Variants in PADI3 observed in about 807,000 individuals in gnomAD.
The protein encoded by PADI3 is peptidyl arginine deiminase 3, also known as protein-arginine deiminase type-3.
Under a neutral mutation model 71.5 loss-of-function variants are expected in PADI3, and 53 were observed. The ratio of observed to expected loss-of-function variants is 0.74; its 90% CI spans 0.59 to 0.93. The LOEUF (loss-of-function observed/expected upper bound fraction) is 0.93. PADI3 is among the 40% of genes least tolerant of loss of function. The pLI, the probability that PADI3 is intolerant of heterozygous loss-of-function variation, is 0.00. For missense variants in PADI3, 821 were observed against 868.0 expected (o/e 0.95, Z 0.68); for synonymous variants, 361 against 347.5 (o/e 1.04, Z -0.43).
At chr1:17,254,105 C>T (rs972965678) in intron 1 of PADI3, among the ~76,000 whole-genome samples, 3 of 152,312 alleles carry the variant, frequency 2.0e-5, no homozygotes, top group Admixed American at 2.0e-4. Flanking sequence ...TACGGGGCTG[C>T]CACTTTCCAG....
rs2072953623 is a variant in PADI3, at chr1:17,250,538, G to A, written c.92+1309G>A. Among the ~76,000 whole-genome samples the A allele has an allele frequency of 2.6e-5, 4 of 152,198 alleles. No individual in the cohort carries two copies. In the South Asian group the frequency reaches 6.2e-4, roughly 24 times the overall value. On this transcript the variant is annotated intron_variant, in intron 1 of 15. Transcript: ENST00000375460. Reference sequence around the variant, plus strand: ...TCCAGGGCATTGGATGAGAGGGGGTGAGGAGCTGGTCATGGGAGGGAACCA... The same window carrying A: ...TCCAGGGCATTGGATGAGAGGGGGTAAGGAGCTGGTCATGGGAGGGAACCA...
At chr1:17,270,658 A>G (rs1488657454) in intron 7 of PADI3, among the ~76,000 whole-genome samples, 6 of 152,024 alleles carry the variant, frequency 3.9e-5, no homozygotes, top group Non-Finnish European at 8.8e-5. Context: ...TCTCCAAAAA[A>G]TAATAATAAT....
rs758451448 is a variant in PADI3, at chr1:17,271,073, G to GAAC, written c.947_949dup (p.Asn316dup). 6.2e-7 allele frequency: 1 copy of GAAC among 1,614,138 alleles called. No homozygotes were observed. The highest frequency in any genetic ancestry group is 1.1e-5 in the South Asian group (1 of 91,084). On this transcript the variant is annotated inframe_insertion, in exon 9 of 16. Transcript: ENST00000375460. ...TCCCTGGGCTTGTCCGTAGTGTGAG[G>GAAC]AACAACACGTGTTTTGTGGATGCGG...
At chr1:17,268,889 T>TC (rs1438905606) in intron 6 of PADI3, among the ~76,000 whole-genome samples, 5 of 149,280 alleles carry the variant, frequency 3.3e-5, no homozygotes, top group African/African-American at 1.2e-4. Flanking sequence ...AATCTGACTT[T>TC]TTTTTTTTTT....
At chr1:17,282,747 G>A in intron 15 of PADI3, 99 bp from the exon 16 acceptor site, 1 of 859,938 alleles carries the variant, frequency 1.2e-6, no homozygotes, top group Non-Finnish European at 1.8e-6. Context: ...AGTAGCTATT[G>A]ACAAGGCTGT....
chr1:17,264,216 G>C (rs1297143996), intron 3 of PADI3, among the ~76,000 whole-genome samples: 2 of 152,042 alleles, frequency 1.3e-5, no homozygotes, highest in Non-Finnish European at 2.9e-5. Flanking sequence ...TAGGAGTGAG[G>C]TTGGGCATTC....
At chr1:17,276,911 G>C in intron 13 of PADI3, 35 bp downstream of exon 13, 1 of 1,548,106 alleles carries the variant, frequency 6.5e-7, no homozygotes, top group Non-Finnish European at 8.8e-7. Context: ...CTTGCGGCTT[G>C]CCTGCCCCTT....
At chr1:17,278,365 C>A (rs562178499) in intron 13 of PADI3, among the ~76,000 whole-genome samples, 33 of 152,102 alleles carry the variant, frequency 2.2e-4, no homozygotes, top group African/African-American at 7.7e-4. Flanking sequence ...GTAGCTAGGA[C>A]CACAGGCATG....
rs2073424886 is a variant in PADI3, at chr1:17,283,310, A to G, written c.*231A>G. On this transcript the variant is annotated 3_prime_UTR_variant, in exon 16 of 16. Coordinates refer to ENST00000375460, the MANE Select transcript of PADI3 (RefSeq NM_016233.2). ...TCGGCCCCCCAAAAAGAAGGACCTCATTTCTTATAGCCTCTCCTGTGATTC... is the reference window on the plus strand; with the variant it reads ...TCGGCCCCCCAAAAAGAAGGACCTCGTTTCTTATAGCCTCTCCTGTGATTC... 7.5e-6 allele frequency: 4 copies of G among 532,324 alleles called. No homozygotes were observed. The highest frequency in any genetic ancestry group is 4.5e-4 in the Middle Eastern group (1 of 2,246). The allele number at this position is 532,324 out of a possible 1,614,324, so 33.0% of individuals were successfully genotyped here. A position where few individuals can be genotyped will look rare whatever the true frequency, so the allele number is the denominator to read the frequency against.
At chr1:17,269,669 G>A (rs111481862) in intron 6 of PADI3, among the ~76,000 whole-genome samples, 3,051 of 152,204 alleles carry the variant, frequency 0.02, 78 homozygotes, top group African/African-American at 0.054. Context: ...CCAGGCTGGA[G>A]TGCAGTGGTG....
chr1:17,254,017 C>T (rs1007913573), intron 1 of PADI3, among the ~76,000 whole-genome samples: 5 of 152,210 alleles, frequency 3.3e-5, no homozygotes, highest in Non-Finnish European at 7.3e-5. Context: ...CTCTGACCTG[C>T]CTGTGCAGAG....
chr1:17,266,800 C>T lies in PADI3; in HGVS notation c.490C>T (p.Gln164Ter). 1 of 1,614,102 alleles carries T rather than the reference C, an allele frequency of 6.2e-7. No individual in the cohort carries two copies. Among genetic ancestry groups the T allele is most frequent in the East Asian group, 2.2e-5 (1 of 44,882 alleles). The change falls in exon 5 of 16, where the codon CAG becomes TAG. Residue 164 changes from glutamine to a stop codon, truncating the protein, a stop_gained. Coordinates refer to ENST00000375460, the MANE Select transcript of PADI3 (RefSeq NM_016233.2). LOFTEE classifies it high-confidence loss of function. ...CCGTGATGATCCGAGCTGTGATGTCCAGGACAATTGTGACCAGCACGTGCA... is the reference window on the plus strand; with the variant it reads ...CCGTGATGATCCGAGCTGTGATGTCTAGGACAATTGTGACCAGCACGTGCA... The part of the protein sequence containing the change: ...CDRDDPSCDV[Q>*]DNCDQHVHCL...
At position 17,273,545 on chromosome 1, in the gene PADI3, G is replaced by C. The variant is rs111883422; in HGVS notation, c.1155+98G>C. The C allele has an allele frequency of 2.0e-3, 1,348 of 689,418 alleles. 17 individuals are homozygous for C. The African/African-American group carries it at 0.022, about 11-fold the overall frequency. The allele number at this position is 689,418 out of a possible 1,614,324, so 42.7% of individuals were successfully genotyped here. ...GGTACAGAGGGCAGCAGTGGGAACC[G>C]TGCTCTTTAGGGATGAGGGTAGGGT... is the stretch of plus-strand genomic sequence containing the variant. On this transcript the variant is annotated intron_variant, in intron 10 of 15. Transcript: ENST00000375460.
At chr1:17,267,326 C>T (rs2073183239) in intron 5 of PADI3, among the ~76,000 whole-genome samples, 1 of 152,178 alleles carries the variant, frequency 6.6e-6, no homozygotes, top group African/African-American at 2.4e-5. Context: ...TCTGTGACTC[C>T]CCCACCTCTT....
At position 17,283,317 on chromosome 1, in the gene PADI3, A is replaced by T. The variant is rs373663048; in HGVS notation, c.*238A>T. On this transcript the variant is annotated 3_prime_UTR_variant, in exon 16 of 16. Transcript: ENST00000375460. ...CCCAAAAAGAAGGACCTCATTTCTT[A>T]TAGCCTCTCCTGTGATTCAACACAA... The T allele has an allele frequency of 9.7e-6, 5 of 517,730 alleles. No homozygotes were observed. Among genetic ancestry groups the T allele is most frequent in the Non-Finnish European group, 1.7e-5 (5 of 288,208 alleles). 32.1% of individuals were successfully genotyped at this position (517,730 alleles called of 1,614,324 possible).
intron 11 of PADI3, among the ~76,000 whole-genome samples, chr1:17,275,511 A>G (rs2073317802): frequency 6.6e-6 from 1 of 151,156 alleles, no homozygotes; most frequent in Admixed American, 6.6e-5. Context: ...AAATGCATTT[A>G]GGTCAAAGCT....
At chr1:17,262,304 C>A (rs2073112713) in intron 3 of PADI3, 99 bp downstream of exon 3, 3 of 822,688 alleles carry the variant, frequency 3.6e-6, no homozygotes, top group Non-Finnish European at 5.6e-6. Context: ...TCCTTCCCTC[C>A]AACTCAAGAC....
At chr1:17,268,479 G>A (rs902292073) in intron 6 of PADI3, among the ~76,000 whole-genome samples, 3 of 134,686 alleles carry the variant, frequency 2.2e-5, no homozygotes, top group Non-Finnish European at 4.7e-5. Context: ...AACTAAAAAT[G>A]TATACAAGTA....
Position 17,274,892 on chromosome 1 carries a change from C to G in PADI3, c.1307+106C>G, listed in dbSNP as rs1343414955. ...TGCACTCCTTGAAGAGAGCCAGAAG[C>G]AAGGAATGATGAAATTATACTCCCG... On this transcript the variant is annotated intron_variant, in intron 11 of 15. Coordinates refer to ENST00000375460, the MANE Select transcript of PADI3 (RefSeq NM_016233.2). 6 of 1,178,584 alleles carry G rather than the reference C, an allele frequency of 5.1e-6. No individual in the cohort carries two copies. The Admixed American group carries it at 1.0e-4, about 20-fold the overall frequency. The allele number at this position is 1,178,584 out of a possible 1,614,324, so 73.0% of individuals were successfully genotyped here. A position where few individuals can be genotyped will look rare whatever the true frequency, so the allele number is the denominator to read the frequency against.
Sources: allele counts gnomAD v4.1 joint callset (sites outside exome capture counted in the v4.1 genomes callset), GRCh38; gene constraint gnomAD v4.1.1; transcripts MANE v1.5; gene names NCBI Gene and HGNC (gene_info 2026-07-23, HGNC 2026-07-21).